Variants in CNTNAP2 observed in about 807,000 individuals in gnomAD.
CNTNAP2 encodes the protein contactin-associated protein-like 2.
Under a neutral mutation model 155.2 loss-of-function variants are expected in CNTNAP2, and 98 were observed. The ratio of observed to expected loss-of-function variants is 0.63; its 90% CI spans 0.54 to 0.75. The LOEUF (loss-of-function observed/expected upper bound fraction) is 0.75. CNTNAP2 is among the 30% of genes least tolerant of loss of function. CNTNAP2 has a pLI of 0.00. For missense variants in CNTNAP2, 1,727 were observed against 1,688.1 expected, an observed-to-expected ratio of 1.02 and a Z score of -0.40; for synonymous variants, 651 against 631.2, an observed-to-expected ratio of 1.03 and a Z score of -0.47.
rs200286381 is a variant in CNTNAP2, at chr7:146,663,646, T to C, written c.98-110625T>C. Among the ~76,000 whole-genome samples, 4 of 152,146 alleles carry C rather than the reference T, an allele frequency of 2.6e-5. No individual in the cohort carries two copies. In the East Asian group the frequency reaches 7.7e-4, roughly 29 times the overall value. ...TGTTTGTATTTTAAACTGTACTTTT[T>C]CCCTCATTTGATCATGAATTGTTAT... is the stretch of plus-strand genomic sequence containing the variant. On this transcript the variant is annotated intron_variant, in intron 1 of 23. Transcript: ENST00000361727.
intron 1 of CNTNAP2, among the ~76,000 whole-genome samples, chr7:146,169,001 G>A (rs184188422): frequency 3.2e-4 from 48 of 152,128 alleles, no homozygotes; most frequent in Non-Finnish European, 6.0e-4. Flanking sequence ...CCAGGCTTTC[G>A]TACATACTGT....
Position 147,395,609 on chromosome 7 carries a change from G to T in CNTNAP2, c.1499G>T (p.Gly500Val). 1 of 1,611,576 alleles carries T rather than the reference G, an allele frequency of 6.2e-7. No homozygotes were observed. Among genetic ancestry groups the T allele is most frequent in the Admixed American group, 1.7e-5 (1 of 59,890 alleles). Residue 500 changes from glycine to valine, a missense_variant and splice_region_variant, in exon 10 of 24, where the codon GGT (glycine) becomes GTT (valine). Physicochemically the swap from Gly to Val is moderately radical, Grantham distance 109. Coordinates refer to ENST00000361727, the MANE Select transcript of CNTNAP2 (RefSeq NM_014141.6). ...CATTCCCATTTCTTCTGTTTCACAG[G>T]TTTTCTGAACCAGATGAATAACTCA... ...VKTGEKYFFG[G>V]FLNQMNNSSH...
At chr7:146,210,003 G>T (rs549596311) in intron 1 of CNTNAP2, among the ~76,000 whole-genome samples, 2 of 152,220 alleles carry the variant, frequency 1.3e-5, no homozygotes, top group East Asian at 3.9e-4. Context: ...ATGCCTGAAG[G>T]TTCTGTCTCA....
intron 15 of CNTNAP2, among the ~76,000 whole-genome samples, chr7:148,039,825 T>C (rs1344062804): frequency 1.3e-5 from 2 of 152,180 alleles, no homozygotes; most frequent in African/African-American, 4.8e-5. Context: ...AGTAACAGGA[T>C]TGAGGCTGAA....
intron 22 of CNTNAP2, among the ~76,000 whole-genome samples, chr7:148,408,601 G>C (rs1799756809): frequency 6.6e-6 from 1 of 152,212 alleles, no homozygotes; most frequent in Non-Finnish European, 1.5e-5. Context: ...GCTTGCTTTA[G>C]ACTAAGGTGA....
At chr7:146,469,818 C>CTGCGCG (rs1796767732) in intron 1 of CNTNAP2, among the ~76,000 whole-genome samples, 1 of 151,168 alleles carries the variant, frequency 6.6e-6, no homozygotes. Flanking sequence ...GCGTGAGCCA[C>CTGCGCG]CAACCCCAGC....
intron 13 of CNTNAP2, among the ~76,000 whole-genome samples, chr7:147,785,774 C>A (rs984102307): frequency 4.7e-4 from 72 of 152,104 alleles, no homozygotes; most frequent in African/African-American, 1.7e-3. Flanking sequence ...TATGGATCAC[C>A]TGAGGTCAGG....
chr7:146,902,985 C>T (rs1796034530), intron 3 of CNTNAP2, among the ~76,000 whole-genome samples: 1 of 152,222 alleles, frequency 6.6e-6, no homozygotes, highest in African/African-American at 2.4e-5. Context: ...AGCATGCAGA[C>T]TGCCTCTGGA....
At chr7:146,723,588 T>G (rs7806479) in intron 1 of CNTNAP2, among the ~76,000 whole-genome samples, 45 of 152,300 alleles carry the variant, frequency 3.0e-4, no homozygotes, top group African/African-American at 9.9e-4. Flanking sequence ...AAATGAGAAT[T>G]ATTGTTACTA....
At chr7:148,193,959 T>C (rs929586925) in intron 18 of CNTNAP2, among the ~76,000 whole-genome samples, 13 of 150,704 alleles carry the variant, frequency 8.6e-5, no homozygotes, top group African/African-American at 2.7e-4. Flanking sequence ...GGAGACTTTG[T>C]CTTAACACTG....
intron 1 of CNTNAP2, among the ~76,000 whole-genome samples, chr7:146,454,363 G>T (rs549496055): frequency 6.6e-6 from 1 of 152,236 alleles, no homozygotes; most frequent in South Asian, 2.1e-4. Flanking sequence ...AAAAGTTTTA[G>T]TTTGAGTTTG....
At chr7:146,662,693 A>G (rs1401944574) in intron 1 of CNTNAP2, among the ~76,000 whole-genome samples, 2 of 152,118 alleles carry the variant, frequency 1.3e-5, no homozygotes, top group Non-Finnish European at 1.5e-5. Flanking sequence ...AGATGTCACA[A>G]ATATTTTCTC....
chr7:147,403,371 C>T (rs551418315), intron 10 of CNTNAP2, among the ~76,000 whole-genome samples: 7 of 152,174 alleles, frequency 4.6e-5, no homozygotes, highest in Non-Finnish European at 1.0e-4. Context: ...CACATGTCCT[C>T]AGATCTTCCT....
In CNTNAP2 at chr7:147,003,336, C is replaced by CT. The variant is rs201199958; in HGVS notation, c.403-40571_403-40570insT. On this transcript the variant is annotated intron_variant, in intron 3 of 23. Coordinates refer to ENST00000361727, the MANE Select transcript of CNTNAP2 (RefSeq NM_014141.6). ...TAAAACATAAGAATAGGCAAACCAA[C>CT]CCCCCCCAAAAAAGTAGCAAGTTAA... 6.3e-3 allele frequency among the ~76,000 whole-genome samples: 874 copies of CT among 137,868 alleles called. 6 individuals carry two copies. Among genetic ancestry groups the CT allele is most frequent in the African/African-American group, 0.023 (828 of 35,988 alleles). 90.4% of individuals were successfully genotyped at this position (137,868 alleles called of 152,430 possible). A position where few individuals can be genotyped will look rare whatever the true frequency, so the allele number is the denominator to read the frequency against.
intron 1 of CNTNAP2, among the ~76,000 whole-genome samples, chr7:146,127,101 A>G (rs1797648617): frequency 6.6e-6 from 1 of 152,106 alleles, no homozygotes. Flanking sequence ...TGCACCCTAT[A>G]ATCTAACCGA....
chr7:147,284,369 C>T (rs1805129151), intron 8 of CNTNAP2, among the ~76,000 whole-genome samples: 1 of 151,790 alleles, frequency 6.6e-6, no homozygotes, highest in African/African-American at 2.4e-5. Context: ...GTACATGCTG[C>T]CCAAATTCTA....
At position 147,698,538 on chromosome 7, in the gene CNTNAP2, G is replaced by T. The variant is rs147483994; in HGVS notation, c.2098+59232G>T. On this transcript the variant is annotated intron_variant, in intron 13 of 23. Coordinates refer to ENST00000361727, the MANE Select transcript of CNTNAP2 (RefSeq NM_014141.6). ...CCACACTTAAGCTTTTCATTTCACTGCTACATTTTATTATTTAAGTCCAAA... is the reference window on the plus strand; with the variant it reads ...CCACACTTAAGCTTTTCATTTCACTTCTACATTTTATTATTTAAGTCCAAA... 2.0e-5 allele frequency among the ~76,000 whole-genome samples: 3 copies of T among 152,112 alleles called. No homozygotes were observed. The East Asian group carries it at 5.8e-4, about 29-fold the overall frequency.
chr7:147,942,327 T>C (rs1800739519), intron 14 of CNTNAP2, among the ~76,000 whole-genome samples: 1 of 150,648 alleles, frequency 6.6e-6, no homozygotes, highest in Non-Finnish European at 1.5e-5. Flanking sequence ...TTAAAAAACA[T>C]TGAAATAGTT....
intron 1 of CNTNAP2, chr7:146,311,607 C>CAAAAAAAAAAAAAAAAA (rs71175646): frequency 7.7e-5 from 3 of 38,936 alleles, no homozygotes; most frequent in Non-Finnish European, 1.8e-4. Context: ...CTTGTCTTTA[C>CAAAAAAAAAAAAAAAAA]AAAAAAAAAA....
Sources: allele counts gnomAD v4.1 joint callset (sites outside exome capture counted in the v4.1 genomes callset), GRCh38; gene constraint gnomAD v4.1.1; transcripts MANE v1.5; gene names NCBI Gene and HGNC (gene_info 2026-07-23, HGNC 2026-07-21).